Variants in CTNNA2 observed in about 807,000 individuals in gnomAD.
The protein encoded by CTNNA2 is catenin alpha 2.
A neutral mutation model predicts 101.0 loss-of-function variants in CTNNA2; 42 were observed. The ratio of observed to expected loss-of-function variants is 0.42; its 90% CI spans 0.32 to 0.54. The LOEUF (loss-of-function observed/expected upper bound fraction) is 0.54. Among genes scored for constraint, CTNNA2 ranks in the 20% least tolerant of loss-of-function variants. The pLI, the probability that CTNNA2 is intolerant of heterozygous loss-of-function variation, is 0.14. For missense variants in CTNNA2, 871 were observed against 1,223.1 expected (o/e 0.71, Z 4.29); for synonymous variants, 450 against 456.4 (o/e 0.99, Z 0.18).
intron 2 of CTNNA2, among the ~76,000 whole-genome samples, chr2:79,235,255 G>A (rs1046138252): frequency 6.6e-6 from 1 of 152,124 alleles, no homozygotes; most frequent in Non-Finnish European, 1.5e-5. Flanking sequence ...ATTTGTGGCT[G>A]GACCTTTGCC....
chr2:79,974,425 G>A (rs761879467), intron 7 of CTNNA2, among the ~76,000 whole-genome samples: 20 of 152,118 alleles, frequency 1.3e-4, no homozygotes, highest in Non-Finnish European at 2.5e-4. Context: ...TAAGACATTG[G>A]ACTTGACCAT....
chr2:79,893,952 C>T (rs1449748597), intron 6 of CTNNA2, among the ~76,000 whole-genome samples: 2 of 152,094 alleles, frequency 1.3e-5, no homozygotes, highest in South Asian at 2.1e-4. Context: ...AATTCTCTAA[C>T]TAAATTGAGC....
At chr2:79,617,416 G>T (rs1361715301) in intron 1 of CTNNA2, among the ~76,000 whole-genome samples, 1 of 151,946 alleles carries the variant, frequency 6.6e-6, no homozygotes, top group African/African-American at 2.4e-5. Flanking sequence ...TATTTCCCAT[G>T]GATTGATCTT....
At chr2:79,671,100 G>A (rs1348681195) in intron 2 of CTNNA2, among the ~76,000 whole-genome samples, 1 of 152,236 alleles carries the variant, frequency 6.6e-6, no homozygotes, top group Non-Finnish European at 1.5e-5. Context: ...TCATGAGCAC[G>A]TGAATGAGAT....
intron 7 of CTNNA2, among the ~76,000 whole-genome samples, chr2:80,011,551 C>T (rs1693785224): frequency 6.6e-6 from 1 of 152,020 alleles, no homozygotes; most frequent in Non-Finnish European, 1.5e-5. Flanking sequence ...AACATTCTAG[C>T]GCTAGTTCTG....
In CTNNA2 at chr2:80,002,215, A is replaced by C. The variant is rs571529929; in HGVS notation, c.1056+92418A>C. ...AGTTAAGGACACACTATCTCACAAGAGTGCTCTTTAAAGAGCAACTTTTTA... is the reference window on the plus strand; with the variant it reads ...AGTTAAGGACACACTATCTCACAAGCGTGCTCTTTAAAGAGCAACTTTTTA... On this transcript the variant is annotated intron_variant, in intron 7 of 18. Transcript: ENST00000402739. Among the ~76,000 whole-genome samples the C allele has an allele frequency of 1.4e-3, 214 of 152,324 alleles. 1 individual carries two copies. Among genetic ancestry groups the C allele is most frequent in the African/African-American group, 4.8e-3 (199 of 41,572 alleles).
chr2:80,099,178 G>C (rs1335827752), intron 7 of CTNNA2, among the ~76,000 whole-genome samples: 1 of 151,814 alleles, frequency 6.6e-6, no homozygotes, highest in East Asian at 1.9e-4. Context: ...TTCTTATGGT[G>C]GTTAAAAAAC....
chr2:79,986,971 T>C (rs970231441), intron 7 of CTNNA2, among the ~76,000 whole-genome samples: 1 of 152,210 alleles, frequency 6.6e-6, no homozygotes, highest in Non-Finnish European at 1.5e-5. Flanking sequence ...CAAAGTTGGA[T>C]CTTGCTGCCT....
intron 8 of CTNNA2, among the ~76,000 whole-genome samples, chr2:80,396,092 T>A (rs1313642377): frequency 6.6e-6 from 1 of 152,154 alleles, no homozygotes; most frequent in Non-Finnish European, 1.5e-5. Flanking sequence ...GGAATTAGAC[T>A]TGTAGATACT....
At chr2:80,206,005 A>G (rs915347992) in intron 7 of CTNNA2, among the ~76,000 whole-genome samples, 2 of 152,232 alleles carry the variant, frequency 1.3e-5, no homozygotes, top group African/African-American at 4.8e-5. Flanking sequence ...TCACATTACA[A>G]TGAATTATAT....
At chr2:79,923,604 T>G (rs2104390210) in intron 7 of CTNNA2, among the ~76,000 whole-genome samples, 1 of 152,272 alleles carries the variant, frequency 6.6e-6, no homozygotes, top group East Asian at 1.9e-4. Context: ...GTATAAAATC[T>G]CTTTTGGCAA....
At chr2:80,366,180 A>C (rs1674915076) in intron 7 of CTNNA2, among the ~76,000 whole-genome samples, 1 of 152,192 alleles carries the variant, frequency 6.6e-6, no homozygotes, top group African/African-American at 2.4e-5. Flanking sequence ...CTTGGGCAAT[A>C]CAATATGTGA....
chr2:80,250,428 A>G (rs1671677840), intron 7 of CTNNA2, among the ~76,000 whole-genome samples: 1 of 152,166 alleles, frequency 6.6e-6, no homozygotes, highest in Non-Finnish European at 1.5e-5. Context: ...AAACGCAAAG[A>G]TAGAAGAGAA....
chr2:79,315,650 T>C (rs1441736451), intron 3 of CTNNA2, among the ~76,000 whole-genome samples: 1 of 152,208 alleles, frequency 6.6e-6, no homozygotes, highest in African/African-American at 2.4e-5. Flanking sequence ...ATTTATTTAT[T>C]AAACATTTGG....
intron 4 of CTNNA2, among the ~76,000 whole-genome samples, chr2:79,444,112 G>T (rs1678805675): frequency 6.6e-6 from 1 of 152,026 alleles, no homozygotes; most frequent in Non-Finnish European, 1.5e-5. Context: ...CTTCAGATGA[G>T]ACGATAACCC....
intron 1 of CTNNA2, chr2:79,195,753 T>C (rs1376641931): frequency 2.1e-6 from 1 of 479,306 alleles, no homozygotes; most frequent in Non-Finnish European, 4.2e-6. Context: ...TCATATCATC[T>C]GAAAAAGGAG....
chr2:79,230,229 A>G (rs1674472491), intron 2 of CTNNA2, among the ~76,000 whole-genome samples: 1 of 152,166 alleles, frequency 6.6e-6, no homozygotes, highest in Admixed American at 6.5e-5. Flanking sequence ...CCTTCTCATC[A>G]CAGGCCCAGA....
intron 2 of CTNNA2, among the ~76,000 whole-genome samples, chr2:79,657,689 C>T (rs1354371598): frequency 6.6e-6 from 1 of 151,518 alleles, no homozygotes; most frequent in African/African-American, 2.4e-5. Context: ...AGAAACCTAC[C>T]TAAGCTATTA....
intron 2 of CTNNA2, among the ~76,000 whole-genome samples, chr2:79,308,861 T>C (rs1256321976): frequency 6.6e-6 from 1 of 151,932 alleles, no homozygotes; most frequent in East Asian, 1.9e-4. Flanking sequence ...CAAATGATTT[T>C]GAAGTTTTAC....
Sources: allele counts gnomAD v4.1 joint callset (sites outside exome capture counted in the v4.1 genomes callset), GRCh38; gene constraint gnomAD v4.1.1; transcripts MANE v1.5; gene names NCBI Gene and HGNC (gene_info 2026-07-23, HGNC 2026-07-21).